PDZRN4: variants seen among roughly 807,000 people sequenced by gnomAD.
PDZRN4 encodes PDZ domain-containing RING finger protein 4.
A neutral mutation model predicts 99.0 loss-of-function variants in PDZRN4; 70 were observed. That is an observed-to-expected ratio of 0.71 (90% confidence interval 0.58 to 0.86). The LOEUF is 0.86. Ranked by LOEUF, PDZRN4 falls within the 40% of genes least tolerant of loss-of-function variation. The probability of loss-of-function intolerance (pLI) is 0.00; values close to 1 mark genes in which losing one functional copy is unlikely to be tolerated. For synonymous variants in PDZRN4, 551 were observed against 501.6 expected, an observed-to-expected ratio of 1.10 and a Z score of -1.32; for missense variants, 1,474 against 1,331.2, an observed-to-expected ratio of 1.11 and a Z score of -1.67.
At chr12:41,201,138 G>T (rs537434668) in intron 3 of PDZRN4, among the ~76,000 whole-genome samples, 60 of 145,034 alleles carry the variant, frequency 4.1e-4, no homozygotes, top group African/African-American at 1.4e-3. Flanking sequence ...AAAAATAGCC[G>T]TTTGAAATCC....
At chr12:41,385,505 C>T (rs944971288) in intron 3 of PDZRN4, among the ~76,000 whole-genome samples, 1 of 152,122 alleles carries the variant, frequency 6.6e-6, no homozygotes, top group Non-Finnish European at 1.5e-5. Flanking sequence ...ACTGGCCCCA[C>T]AGAAATATAA....
chr12:41,541,172 C>T (rs550782071), intron 5 of PDZRN4, among the ~76,000 whole-genome samples: 11 of 152,066 alleles, frequency 7.2e-5, no homozygotes, highest in Non-Finnish European at 1.2e-4. Context: ...CCTCATAATC[C>T]GCCCACCTTG....
At chr12:41,245,380 T>C (rs1162512766) in intron 3 of PDZRN4, among the ~76,000 whole-genome samples, 2 of 152,170 alleles carry the variant, frequency 1.3e-5, no homozygotes, top group Non-Finnish European at 2.9e-5. Flanking sequence ...TTTCAATCCT[T>C]GGGGATTCAA....
intron 3 of PDZRN4, among the ~76,000 whole-genome samples, chr12:41,399,753 A>G (rs1388309491): frequency 6.6e-6 from 1 of 151,126 alleles, no homozygotes; most frequent in Non-Finnish European, 1.5e-5. Context: ...AAAAAAAAGT[A>G]TTTCAACCTA....
chr12:41,238,826 G>A (rs1197744218), intron 3 of PDZRN4, among the ~76,000 whole-genome samples: 1 of 152,170 alleles, frequency 6.6e-6, no homozygotes, highest in Non-Finnish European at 1.5e-5. Context: ...ATGCTGGCGA[G>A]GTTGTATAGA....
chr12:41,389,065 T>C (rs933151032), intron 3 of PDZRN4, among the ~76,000 whole-genome samples: 2 of 152,150 alleles, frequency 1.3e-5, no homozygotes, highest in Non-Finnish European at 2.9e-5. Context: ...GAGATGGTTA[T>C]GGTTGGATAG....
chr12:41,370,136 A>G (rs932082935), intron 3 of PDZRN4, among the ~76,000 whole-genome samples: 3 of 151,920 alleles, frequency 2.0e-5, no homozygotes, highest in Non-Finnish European at 2.9e-5. Flanking sequence ...TTTACAGTCA[A>G]TGCTATTTGA....
At chr12:41,296,789 A>G (rs1951497550) in intron 3 of PDZRN4, among the ~76,000 whole-genome samples, 1 of 151,854 alleles carries the variant, frequency 6.6e-6, no homozygotes, top group Admixed American at 6.6e-5. Context: ...GCAAGACCTT[A>G]TCTCTACAAA....
At position 41,188,636 on chromosome 12, in the gene PDZRN4, C is replaced by T. The variant is rs1473458484; in HGVS notation, c.181C>T (p.Pro61Ser). 1 of 1,540,824 alleles carries T rather than the reference C, an allele frequency of 6.5e-7. No individual in the cohort carries two copies. The highest frequency in any genetic ancestry group is 8.7e-7 in the Non-Finnish European group (1 of 1,150,464). The change falls in exon 1 of 10, where the codon CCC becomes TCC. Residue 61 changes from proline (P) to serine (S), a missense_variant. Physicochemically the swap from Pro to Ser is moderately conservative, Grantham distance 74. Transcript: ENST00000402685. ...CCCGCTGCAGTGCCAGCCCTTGGCG[C>T]CCGGCGAGCTGTACCGGGTGCTGCC... is the stretch of plus-strand genomic sequence containing the variant. ...RCPLQCQPLA[P>S]GELYRVLPLR...
chr12:41,398,129 T>C (rs989087005), intron 3 of PDZRN4, among the ~76,000 whole-genome samples: 2 of 152,136 alleles, frequency 1.3e-5, no homozygotes, highest in African/African-American at 4.8e-5. Flanking sequence ...GCTATTACTA[T>C]TACTAATCTA....
intron 3 of PDZRN4, among the ~76,000 whole-genome samples, chr12:41,273,343 C>T (rs541201838): frequency 6.6e-6 from 1 of 152,156 alleles, no homozygotes; most frequent in South Asian, 2.1e-4. Flanking sequence ...CAAGAATGAT[C>T]AAACCTGGTT....
intron 3 of PDZRN4, among the ~76,000 whole-genome samples, chr12:41,481,876 A>G (rs1019845885): frequency 1.3e-5 from 2 of 152,144 alleles, no homozygotes; most frequent in African/African-American, 2.4e-5. Flanking sequence ...TAGAGTAAGC[A>G]TTTACTAGAT....
At chr12:41,314,646 G>A (rs1245620207) in intron 3 of PDZRN4, among the ~76,000 whole-genome samples, 1 of 152,170 alleles carries the variant, frequency 6.6e-6, no homozygotes, top group African/African-American at 2.4e-5. Flanking sequence ...AAAGAATGTG[G>A]AACATTTGGG....
intron 3 of PDZRN4, among the ~76,000 whole-genome samples, chr12:41,322,731 C>T (rs576674415): frequency 2.6e-5 from 4 of 151,996 alleles, no homozygotes; most frequent in East Asian, 1.9e-4. Context: ...ATCCTGACCT[C>T]GTGATCCTCC....
intron 5 of PDZRN4, among the ~76,000 whole-genome samples, chr12:41,517,340 A>T (rs961604934): frequency 6.6e-6 from 1 of 152,086 alleles, no homozygotes; most frequent in Non-Finnish European, 1.5e-5. Context: ...GTTTGAAGAT[A>T]CTTATGATAC....
intron 5 of PDZRN4, among the ~76,000 whole-genome samples, chr12:41,538,665 A>G (rs974605506): frequency 2.6e-5 from 4 of 152,180 alleles, no homozygotes; most frequent in Non-Finnish European, 5.9e-5. Flanking sequence ...GGGCAAAAAA[A>G]TTAAACATTT....
At chr12:41,327,622 A>AT (rs1951718436) in intron 3 of PDZRN4, among the ~76,000 whole-genome samples, 1 of 152,208 alleles carries the variant, frequency 6.6e-6, no homozygotes, top group Non-Finnish European at 1.5e-5. Context: ...GAAACAGTGC[A>AT]GAAGGCCAGG....
intron 3 of PDZRN4, among the ~76,000 whole-genome samples, chr12:41,243,613 A>G (rs1042044178): frequency 2.6e-5 from 4 of 152,128 alleles, no homozygotes; most frequent in Non-Finnish European, 5.9e-5. Flanking sequence ...CACAACTACA[A>G]TTAAAATAAA....
At chr12:41,468,924 G>A (rs2733280) in intron 3 of PDZRN4, among the ~76,000 whole-genome samples, 82,637 of 151,690 alleles carry the variant, frequency 0.54, 23,487 homozygotes, top group African/African-American at 0.73. Flanking sequence ...CACAAGAATC[G>A]CTTGAACCCA....
Sources: allele counts gnomAD v4.1 joint callset (sites outside exome capture counted in the v4.1 genomes callset), GRCh38; gene constraint gnomAD v4.1.1; transcripts MANE v1.5; gene names NCBI Gene and HGNC (gene_info 2026-07-23, HGNC 2026-07-21).